The following ZNF33A variants were observed in gnomAD, a reference collection of about 807,000 sequenced individuals.
The protein encoded by ZNF33A is zinc finger protein 33A.
A neutral mutation model predicts 15.9 loss-of-function variants in ZNF33A; 9 were observed. That is an observed-to-expected ratio of 0.57 (90% CI 0.34 to 0.99). ZNF33A has a LOEUF of 0.99. Among genes scored for constraint, ZNF33A ranks in the 50% least tolerant of loss-of-function variants. The pLI is 0.02. For synonymous variants in ZNF33A, 294 were observed against 324.2 expected, an observed-to-expected ratio of 0.91 and a Z score of 1.00; for missense variants, 843 against 941.6, an observed-to-expected ratio of 0.90 and a Z score of 1.37.
intron 4 of ZNF33A, among the ~76,000 whole-genome samples, chr10:38,020,354 C>T (rs2064679896): frequency 6.6e-6 from 1 of 152,036 alleles, no homozygotes; most frequent in Non-Finnish European, 1.5e-5. Flanking sequence ...GTGTTATAAA[C>T]AATCCAGTTA....
intron 4 of ZNF33A, among the ~76,000 whole-genome samples, chr10:38,023,257 T>G (rs1251835434): frequency 6.6e-6 from 1 of 152,182 alleles, no homozygotes. Flanking sequence ...AGGGAACATT[T>G]CTTAACACAT....
chr10:38,014,541 T>C (rs1397446442), intron 2 of ZNF33A, among the ~76,000 whole-genome samples: 1 of 152,244 alleles, frequency 6.6e-6, no homozygotes, highest in Non-Finnish European at 1.5e-5. Flanking sequence ...TACTTCTGTA[T>C]GAGGTAGATG....
At chr10:38,044,207 T>A (rs1165385795) in intron 4 of ZNF33A, among the ~76,000 whole-genome samples, 1 of 148,874 alleles carries the variant, frequency 6.7e-6, no homozygotes, top group Non-Finnish European at 1.5e-5. Context: ...TTCTTTTCTT[T>A]CTTTTTTTTT....
intron 4 of ZNF33A, among the ~76,000 whole-genome samples, chr10:38,019,658 G>A (rs2064648404): frequency 6.6e-6 from 1 of 152,130 alleles, no homozygotes; most frequent in Non-Finnish European, 1.5e-5. Context: ...TGAATAAAGG[G>A]GAACTAAAGG....
chr10:38,066,024 G>A (rs1174943805), downstream of ZNF33A, among the ~76,000 whole-genome samples: 1 of 152,078 alleles, frequency 6.6e-6, no homozygotes, highest in Non-Finnish European at 1.5e-5. Context: ...ATTTGATGTA[G>A]CACTCTGACA....
chr10:38,055,031 T>A lies in ZNF33A; in HGVS notation c.907T>A (p.Cys303Ser), dbSNP rs566467459. The change falls in exon 5 of 5, where the codon TGT (cysteine) becomes AGT (serine). Residue 303 changes from cysteine to serine, a missense_variant. Coordinates refer to ENST00000432900, the MANE Select transcript of ZNF33A (RefSeq NM_006954.2). ...PHGVSMKHYD[C>S]GESGNNFRRK... ...TGGGGTATCTATGAAACACTATGAT[T>A]GTGGTGAAAGTGGGAATAATTTCAG... The A allele has an allele frequency of 1.9e-6, 3 of 1,614,118 alleles. No individual in the cohort carries two copies. The highest frequency in any genetic ancestry group is 4.5e-5 in the East Asian group (2 of 44,874).
At chr10:38,011,323 G>A (rs1423522003) in intron 1 of ZNF33A, among the ~76,000 whole-genome samples, 2 of 152,170 alleles carry the variant, frequency 1.3e-5, no homozygotes, top group South Asian at 4.1e-4. Context: ...GGTGGCTCTC[G>A]CCTGTAATCC....
rs2064482434 is a variant in ZNF33A, at chr10:38,017,023, C to A, written c.154+8C>A. ...GCAACCTTGTCTCAGTGGGTAAGGT[C>A]TGTTCACTGTATCATTCTAAATAGC... On this transcript the variant is annotated splice_region_variant and intron_variant, in intron 3 of 4. Coordinates refer to ENST00000432900, the MANE Select transcript of ZNF33A (RefSeq NM_006954.2). The A allele has an allele frequency of 6.2e-7, 1 of 1,600,644 alleles. No homozygotes were observed. Among genetic ancestry groups the A allele is most frequent in the Admixed American group, 1.8e-5 (1 of 55,592 alleles).
intron 2 of ZNF33A, among the ~76,000 whole-genome samples, chr10:38,016,384 T>G (rs1349142783): frequency 6.6e-6 from 1 of 152,208 alleles, no homozygotes; most frequent in Non-Finnish European, 1.5e-5. Context: ...TCCTGTGCTG[T>G]CTGCCATTTT....
chr10:38,011,070 A>C (rs1390072217), intron 1 of ZNF33A, among the ~76,000 whole-genome samples: 9 of 151,852 alleles, frequency 5.9e-5, no homozygotes, highest in African/African-American at 2.2e-4. Context: ...CGGGAGGGGC[A>C]GTTCTCTTGT....
Position 38,055,940 on chromosome 10 carries a change from G to C in ZNF33A, c.1816G>C (p.Glu606Gln), listed in dbSNP as rs764478846. Residue 606 changes from glutamate to glutamine, a missense_variant, in exon 5 of 5, where the codon GAG (glutamate) becomes CAG (glutamine). Glu to Gln is a conservative substitution (Grantham distance 29, BLOSUM62 2). Transcript: ENST00000432900. ...LTKHNRTHTGEKPYECNECGK... is the reference protein window; with the variant it reads ...LTKHNRTHTGQKPYECNECGK... ...TAAACATAATAGAACACATACAGGG[G>C]AGAAACCCTATGAATGTAATGAATG... is the stretch of plus-strand genomic sequence containing the variant. 1 of 1,613,752 alleles carries C rather than the reference G, an allele frequency of 6.2e-7. No homozygotes were observed. Among genetic ancestry groups the C allele is most frequent in the Non-Finnish European group, 8.5e-7 (1 of 1,179,944 alleles).
At position 38,057,945 on chromosome 10, in the gene ZNF33A, C is replaced by CT. The variant is rs1293516780; in HGVS notation, c.*1386dup. On this transcript the variant is annotated 3_prime_UTR_variant, in exon 5 of 5. Coordinates refer to ENST00000432900, the MANE Select transcript of ZNF33A (RefSeq NM_006954.2). ...GAGAATATGAAGAGGAGGGTTGAGG[C>CT]TGGAGCAGAACCAGAATCAAGCTGG... 24 of 985,226 alleles carry CT rather than the reference C, an allele frequency of 2.4e-5. No homozygotes were observed. The highest frequency in any genetic ancestry group is 2.7e-5 in the Non-Finnish European group (22 of 829,944). 61.0% of individuals were successfully genotyped at this position (985,226 alleles called of 1,614,324 possible). A position where few individuals can be genotyped will look rare whatever the true frequency, so the allele number is the denominator to read the frequency against.
chr10:38,047,191 A>C (rs368168883), intron 4 of ZNF33A, among the ~76,000 whole-genome samples: 9 of 5,974 alleles, frequency 1.5e-3, no homozygotes, highest in African/African-American at 5.8e-3. Context: ...CACCCCTGCC[A>C]AAAAAAAAAA....
At chr10:38,010,613 G>C (rs1237450797), upstream of ZNF33A, 4 of 1,215,800 alleles carry the variant, frequency 3.3e-6, no homozygotes, top group Non-Finnish European at 4.8e-6. Flanking sequence ...CAGGTAGGGC[G>C]CCAACAGCAT....
At chr10:38,028,033 A>G (rs1052379521) in intron 4 of ZNF33A, among the ~76,000 whole-genome samples, 8 of 152,178 alleles carry the variant, frequency 5.3e-5, no homozygotes, top group Non-Finnish European at 1.2e-4. Context: ...TAATCCCAGC[A>G]CTTTGGGAGG....
Position 38,059,408 on chromosome 10 carries a change from A to G in ZNF33A, c.*2848A>G, listed in dbSNP as rs1385415592. On this transcript the variant is annotated 3_prime_UTR_variant, in exon 5 of 5. Coordinates refer to ENST00000432900, the MANE Select transcript of ZNF33A (RefSeq NM_006954.2). Reference sequence around the variant, plus strand: ...AAATGCACATAGATTTGAAAGGATGAAATACAACTTTGTTCACAAGTAACA... The same window carrying G: ...AAATGCACATAGATTTGAAAGGATGGAATACAACTTTGTTCACAAGTAACA... 1 of 152,254 alleles carries G rather than the reference A, an allele frequency of 6.6e-6. No individual in the cohort carries two copies. Among genetic ancestry groups the G allele is most frequent in the Non-Finnish European group, 1.5e-5 (1 of 68,048 alleles). 9.4% of individuals were successfully genotyped at this position (152,254 alleles called of 1,614,324 possible). A position where few individuals can be genotyped will look rare whatever the true frequency, so the allele number is the denominator to read the frequency against.
chr10:38,035,016 A>G (rs1195115465), intron 4 of ZNF33A, among the ~76,000 whole-genome samples: 2 of 151,480 alleles, frequency 1.3e-5, no homozygotes, highest in Non-Finnish European at 2.9e-5. Context: ...TCACTACCAC[A>G]TGGATCATTC....
At chr10:38,042,204 C>A (rs1443928047) in intron 4 of ZNF33A, among the ~76,000 whole-genome samples, 1 of 150,196 alleles carries the variant, frequency 6.7e-6, no homozygotes, top group Non-Finnish European at 1.5e-5. Context: ...TTTTTTTTCC[C>A]CTGGGAGTCT....
chr10:38,061,691 G>A (rs1290763158), downstream of ZNF33A, among the ~76,000 whole-genome samples: 1 of 152,104 alleles, frequency 6.6e-6, no homozygotes, highest in East Asian at 1.9e-4. Flanking sequence ...CAGCACTCTG[G>A]GAGGCCAAGC....
Sources: allele counts gnomAD v4.1 joint callset (sites outside exome capture counted in the v4.1 genomes callset), GRCh38; gene constraint gnomAD v4.1.1; transcripts MANE v1.5; gene names NCBI Gene and HGNC (gene_info 2026-07-23, HGNC 2026-07-21).